ISOC2: variants seen among roughly 807,000 people sequenced by gnomAD.
ISOC2 encodes isochorismatase domain containing 2, also known as isochorismatase domain-containing protein 2.
A neutral mutation model predicts 19.3 loss-of-function variants in ISOC2; 15 were observed. The observed-to-expected ratio is 0.78, with a 90% CI of 0.52 to 1.20. The LOEUF (loss-of-function observed/expected upper bound fraction) is 1.20, where lower values mean the gene tolerates loss of function less well. ISOC2 is among the 50% of genes most tolerant of loss of function. The pLI is 0.00. For synonymous variants in ISOC2, 106 were observed against 115.8 expected, an observed-to-expected ratio of 0.92 and a Z score of 0.54; for missense variants, 285 against 272.4, an observed-to-expected ratio of 1.05 and a Z score of -0.33.
At chr19:55,461,162 G>A (rs1302670838) in intron 1 of ISOC2, among the ~76,000 whole-genome samples, 1 of 152,162 alleles carries the variant, frequency 6.6e-6, no homozygotes, top group East Asian at 1.9e-4. Flanking sequence ...GCGGCAACAG[G>A]GGGCGGGGTA....
intron 1 of ISOC2, among the ~76,000 whole-genome samples, chr19:55,458,224 G>C (rs549439865): frequency 4.9e-4 from 74 of 152,252 alleles, no homozygotes; most frequent in Admixed American, 1.4e-3. Flanking sequence ...ACTTCCACTC[G>C]GTCAGAGCGT....
At chr19:55,455,615 T>C (rs754834815) in intron 3 of ISOC2, 21 bp downstream of exon 3, 1 of 1,557,184 alleles carries the variant, frequency 6.4e-7, no homozygotes, top group Admixed American at 1.9e-5. Context: ...GAGGGACCCC[T>C]GGGGTCAGTC....
chr19:55,458,894 G>A (rs1018902854), intron 1 of ISOC2, among the ~76,000 whole-genome samples: 5 of 151,056 alleles, frequency 3.3e-5, no homozygotes, highest in Admixed American at 6.6e-5. Context: ...TCTCTCTCTC[G>A]TCCTGGCCTC....
At chr19:55,454,574 A>C in intron 5 of ISOC2, 1 of 166,654 alleles carries the variant, frequency 6.0e-6, no homozygotes. Context: ...CGGAAGGGGC[A>C]GAGGCGGAGG....
chr19:55,453,469 C>T (rs1274029288), intron 5 of ISOC2, 81 bp from the exon 6 acceptor site: 4 of 977,056 alleles, frequency 4.1e-6, no homozygotes, highest in African/African-American at 1.7e-5. Context: ...GACACCTCTC[C>T]GTCTTCATCT....
Position 55,455,772 on chromosome 19 carries a change from T to A in ISOC2, c.212A>T (p.Glu71Val). ...YPQGLGPTVP[E>V]LGTEGLRPLA... ...CGGCCGAAGGCCCTCAGTCCCCAGC[T>A]CGGGCACCGTGGGGCCCAGGCCTTG... The change falls in exon 3 of 6, where the codon GAG becomes GTG. Residue 71 changes from glutamate to valine, a missense_variant. Glu to Val is a moderately radical substitution (Grantham distance 121). Coordinates refer to ENST00000425675, the MANE Select transcript of ISOC2 (RefSeq NM_001136201.2). 1 of 1,577,784 alleles carries A rather than the reference T, an allele frequency of 6.3e-7. No individual in the cohort carries two copies. The highest frequency in any genetic ancestry group is 8.6e-7 in the Non-Finnish European group (1 of 1,162,058).
chr19:55,456,130 G>A (rs1225978766), intron 2 of ISOC2: 1 of 594,430 alleles, frequency 1.7e-6, no homozygotes, highest in African/African-American at 1.9e-5. Context: ...TGGGTCTGAG[G>A]GTGGAGGGCT....
chr19:55,456,426 A>T lies in ISOC2; in HGVS notation c.61T>A (p.Cys21Ser). The T allele has an allele frequency of 6.2e-7, 1 of 1,613,656 alleles. No individual in the cohort carries two copies. The highest frequency in any genetic ancestry group is 2.2e-5 in the East Asian group (1 of 44,832). Residue 21 changes from cysteine to serine, a missense_variant, in exon 2 of 6, where the codon TGT becomes AGT. Coordinates refer to ENST00000425675, the MANE Select transcript of ISOC2 (RefSeq NM_001136201.2). ...VLPGSSVLFL[C>S]DMQEKFRHNI... ...TGGCGGAACTTCTCCTGCATGTCACACAGGAACAGGACAGAGGATCCTGGG... is the reference window on the plus strand; with the variant it reads ...TGGCGGAACTTCTCCTGCATGTCACTCAGGAACAGGACAGAGGATCCTGGG...
At chr19:55,455,205 C>T (rs1986007032) in intron 4 of ISOC2, 55 bp downstream of exon 4, 39 of 1,569,910 alleles carry the variant, frequency 2.5e-5, no homozygotes, top group Admixed American at 1.8e-5. Context: ...TGTGGCCCTT[C>T]CTGGGAGCCC....
At chr19:55,454,669 G>T (rs548925036) in intron 5 of ISOC2, 1 of 367,100 alleles carries the variant, frequency 2.7e-6, no homozygotes, top group Non-Finnish European at 5.1e-6. Context: ...CCCAGTGTCC[G>T]CCTGGTCACT....
chr19:55,455,520 G>C (rs1419902756), intron 3 of ISOC2, 116 bp downstream of exon 3: 1 of 1,109,100 alleles, frequency 9.0e-7, no homozygotes, highest in East Asian at 2.5e-5. Context: ...AGAGGGCCCA[G>C]GTCAGGATGG....
In ISOC2 at chr19:55,461,546, C is replaced by G. The variant is rs1429644515; in HGVS notation, c.-38G>C. 1 of 152,320 alleles carries G rather than the reference C, an allele frequency of 6.6e-6. No individual in the cohort carries two copies. The highest frequency in any genetic ancestry group is 2.4e-5 in the African/African-American group (1 of 41,468). The allele number at this position is 152,320 out of a possible 1,614,324, so 9.4% of individuals were successfully genotyped here. On this transcript the variant is annotated 5_prime_UTR_variant, in exon 1 of 6. Transcript: ENST00000425675. The stretch of plus-strand genomic sequence containing the variant: ...GCCGGGTTCGAGCCCGGAACGGCCC[C>G]TCTGCAGGTGAGGCGGGGGCACCCT...
chr19:55,453,401 G>C lies in ISOC2; in HGVS notation c.538-13C>G. The C allele has an allele frequency of 6.3e-7, 1 of 1,586,622 alleles. No individual in the cohort carries two copies. Among genetic ancestry groups the C allele is most frequent in the Non-Finnish European group, 8.6e-7 (1 of 1,166,626 alleles). On this transcript the variant is annotated splice_polypyrimidine_tract_variant and intron_variant, in intron 5 of 5. Coordinates refer to ENST00000425675, the MANE Select transcript of ISOC2 (RefSeq NM_001136201.2). ...TGAGTTTCTGGATCTGTAAGGGCAG[G>C]GGGCGATGGGTCAGGAAGCGTCTAG...
At position 55,453,345 on chromosome 19, in the gene ISOC2, A is replaced by G; in HGVS notation, c.581T>C (p.Leu194Pro). ...GGAGTTCTGGCCTTGGAAGAGGCCC[A>G]GCAGTCCGCTGTCTGGGGCGGGCTC... ...IKEPAPDSGL[L>P]GLFQGQNSLL... The change falls in exon 6 of 6, where the codon CTG becomes CCG. Residue 194 changes from leucine to proline, a missense_variant. Transcript: ENST00000425675. 6.2e-7 allele frequency: 1 copy of G among 1,608,594 alleles called. No homozygotes were observed. Among genetic ancestry groups the G allele is most frequent in the South Asian group, 1.1e-5 (1 of 89,962 alleles).
intron 1 of ISOC2, among the ~76,000 whole-genome samples, chr19:55,457,534 C>CA (rs1234223480): frequency 9.0e-4 from 125 of 138,234 alleles, no homozygotes; most frequent in Middle Eastern, 4.6e-3. Context: ...GACTCTGTCT[C>CA]AAAAAAAAAA....
chr19:55,453,503 G>T, intron 5 of ISOC2, 115 bp from the exon 6 acceptor site: 1 of 669,472 alleles, frequency 1.5e-6, no homozygotes, highest in Non-Finnish European at 2.4e-6. Flanking sequence ...GCTAGCAGCT[G>T]CCCAAGACAA....
In ISOC2 at chr19:55,453,364, C is replaced by T. The variant is rs935839136; in HGVS notation, c.562G>A (p.Ala188Thr). ...KEIQKLIKEP[A>T]PDSGLLGLFQ... ...AGGCCCAGCAGTCCGCTGTCTGGGG[C>T]GGGCTCCTTGATGAGTTTCTGGATC... Residue 188 changes from alanine to threonine, a missense_variant, in exon 6 of 6, where the codon GCC (alanine) becomes ACC (threonine). Coordinates refer to ENST00000425675, the MANE Select transcript of ISOC2 (RefSeq NM_001136201.2). 8 of 1,605,460 alleles carry T rather than the reference C, an allele frequency of 5.0e-6. No homozygotes were observed. The Admixed American group carries it at 5.1e-5, about 10-fold the overall frequency.
chr19:55,457,837 A>G (rs1270199026), intron 1 of ISOC2, among the ~76,000 whole-genome samples: 1 of 151,364 alleles, frequency 6.6e-6, no homozygotes, highest in Non-Finnish European at 1.5e-5. Flanking sequence ...ATCTCAAAAA[A>G]AAAAAAAAAA....
In ISOC2 at chr19:55,455,549, G is replaced by A. The variant is rs1986023722; in HGVS notation, c.348+87C>T. The A allele has an allele frequency of 5.8e-6, 7 of 1,216,952 alleles. No individual in the cohort carries two copies. In the Admixed American group the frequency reaches 1.5e-4, roughly 26 times the overall value. The allele number at this position is 1,216,952 out of a possible 1,614,324, so 75.4% of individuals were successfully genotyped here. On this transcript the variant is annotated intron_variant, in intron 3 of 5. Transcript: ENST00000425675. ...AGGATGGGGGTCCTGCAGGGAAGTG[G>A]AGGTTTCTGGTCAGGGAAGGAGGTT...
Sources: allele counts gnomAD v4.1 joint callset (sites outside exome capture counted in the v4.1 genomes callset), GRCh38; gene constraint gnomAD v4.1.1; transcripts MANE v1.5; gene names NCBI Gene and HGNC (gene_info 2026-07-23, HGNC 2026-07-21).